The following CDC42BPA variants were observed in gnomAD, a reference collection of about 807,000 sequenced individuals.
CDC42BPA encodes the protein CDC42 binding protein kinase alpha, also known as serine/threonine-protein kinase MRCK alpha.
Under a neutral mutation model 223.5 loss-of-function variants are expected in CDC42BPA, and 80 were observed. The observed-to-expected ratio is 0.36, with a 90% CI of 0.30 to 0.43. The LOEUF (loss-of-function observed/expected upper bound fraction) is 0.43, where lower values mean the gene tolerates loss of function less well. Among genes scored for constraint, CDC42BPA ranks in the 20% least tolerant of loss-of-function variants. The pLI is 1.00. For missense variants in CDC42BPA, 1,743 were observed against 2,099.9 expected, an observed-to-expected ratio of 0.83 and a Z score of 3.32; for synonymous variants, 694 against 718.6, an observed-to-expected ratio of 0.97 and a Z score of 0.55.
intron 5 of CDC42BPA, among the ~76,000 whole-genome samples, chr1:227,168,497 G>GTTTTTTGTTTTTTTT (rs1665477711): frequency 1.2e-5 from 1 of 80,196 alleles, no homozygotes; most frequent in African/African-American, 5.0e-5. Flanking sequence ...CTTCCCTGGT[G>GTTTTTTGTTTTTTTT]TTTTTTTTTT....
intron 5 of CDC42BPA, among the ~76,000 whole-genome samples, chr1:227,167,772 T>C (rs779396011): frequency 2.0e-5 from 3 of 152,212 alleles, no homozygotes; most frequent in Non-Finnish European, 4.4e-5. Flanking sequence ...GAATAAAAAA[T>C]TTATAGTCTA....
chr1:227,298,732 C>A (rs7519121), intron 1 of CDC42BPA, among the ~76,000 whole-genome samples: 64,426 of 152,048 alleles, frequency 0.42, 13,795 homozygotes, highest in South Asian at 0.45. Context: ...AGACAGCAGC[C>A]GCTCAGTGGC....
At chr1:227,059,498 G>T in intron 21 of CDC42BPA, 1 of 1,207,764 alleles carries the variant, frequency 8.3e-7, no homozygotes, top group Non-Finnish European at 1.2e-6. Context: ...AACAGACAAA[G>T]TATATAAACA....
chr1:227,288,284 A>G (rs922261257), intron 1 of CDC42BPA, among the ~76,000 whole-genome samples: 8 of 152,194 alleles, frequency 5.3e-5, no homozygotes, highest in African/African-American at 1.9e-4. Context: ...CAGAGGTGGG[A>G]GGATCACTTG....
intron 5 of CDC42BPA, among the ~76,000 whole-genome samples, chr1:227,180,936 G>C (rs1263617090): frequency 1.3e-5 from 2 of 151,310 alleles, no homozygotes; most frequent in Non-Finnish European, 2.9e-5. Flanking sequence ...CTGAAATTAG[G>C]CCTTACATTA....
intron 10 of CDC42BPA, among the ~76,000 whole-genome samples, chr1:227,134,184 G>A (rs770073615): frequency 4.6e-5 from 7 of 151,862 alleles, no homozygotes; most frequent in African/African-American, 7.3e-5. Context: ...TACTTACCCT[G>A]GTTAGATTCT....
At chr1:227,027,174 A>C (rs1310669724) in intron 30 of CDC42BPA, among the ~76,000 whole-genome samples, 1 of 152,220 alleles carries the variant, frequency 6.6e-6, no homozygotes, top group Non-Finnish European at 1.5e-5. Context: ...GAAAGACAAA[A>C]AACAACAACA....
intron 35 of CDC42BPA, among the ~76,000 whole-genome samples, chr1:226,998,314 C>A (rs1012071173): frequency 7.2e-5 from 11 of 152,066 alleles, no homozygotes; most frequent in Admixed American, 6.5e-4. Context: ...CATATGGAAC[C>A]AAAAAATAGC....
intron 1 of CDC42BPA, among the ~76,000 whole-genome samples, chr1:227,314,339 T>A (rs1278787290): frequency 2.0e-5 from 3 of 152,078 alleles, no homozygotes; most frequent in African/African-American, 7.2e-5. Context: ...TCTATAGTCT[T>A]AAGGCACTTT....
At chr1:227,316,244 C>T (rs1342059058) in intron 1 of CDC42BPA, among the ~76,000 whole-genome samples, 1 of 152,174 alleles carries the variant, frequency 6.6e-6, no homozygotes, top group Non-Finnish European at 1.5e-5. Context: ...TGAGCCAAGC[C>T]TTCAAGCTTG....
rs563577734 is a variant in CDC42BPA at position 227,097,726 on chromosome 1, G to A, written c.2249+3266C>T. Among the ~76,000 whole-genome samples, 20 of 152,234 alleles carry A rather than the reference G, an allele frequency of 1.3e-4. No individual in the cohort carries two copies. In the South Asian group the frequency reaches 4.1e-3, roughly 32 times the overall value. On this transcript the variant is annotated intron_variant, in intron 15 of 36. Coordinates refer to ENST00000366766, the MANE Select transcript of CDC42BPA (RefSeq NM_001394014.1). ...CTGGTGGCATATGACCTTCTTCTAG[G>A]AGCACTCAACCAGTCAGGGAAGAAT... is the stretch of plus-strand genomic sequence containing the variant.
intron 2 of CDC42BPA, among the ~76,000 whole-genome samples, chr1:227,220,311 T>TATATATATATATATATATACAC (rs1210485137): frequency 2.0e-5 from 1 of 49,534 alleles, no homozygotes; most frequent in African/African-American, 7.1e-5. Context: ...TATATATATA[T>TATATATATATATATATATACAC]ACACACACAC....
At chr1:227,232,977 G>A (rs1442375012) in intron 2 of CDC42BPA, among the ~76,000 whole-genome samples, 1 of 152,208 alleles carries the variant, frequency 6.6e-6, no homozygotes, top group African/African-American at 2.4e-5. Context: ...GCCTCCCCGA[G>A]CCTCTCTGCC....
At chr1:227,159,313 C>G (rs1480537354) in intron 6 of CDC42BPA, among the ~76,000 whole-genome samples, 1 of 151,958 alleles carries the variant, frequency 6.6e-6, no homozygotes, top group Non-Finnish European at 1.5e-5. Flanking sequence ...ATGGTGAAAC[C>G]CCATCTCTAC....
intron 15 of CDC42BPA, among the ~76,000 whole-genome samples, chr1:227,098,699 T>C (rs78707784): frequency 0.054 from 8,157 of 151,738 alleles, 245 homozygotes; most frequent in Non-Finnish European, 0.072. Context: ...ACCCTTCTTA[T>C]CCCTTTTGCC....
At chr1:226,995,493 G>A (rs1661428657) in intron 35 of CDC42BPA, among the ~76,000 whole-genome samples, 1 of 129,210 alleles carries the variant, frequency 7.7e-6, no homozygotes, top group Admixed American at 7.5e-5. Context: ...AAGCTCGGTT[G>A]TACCATCCCG....
chr1:227,216,088 T>C (rs1026374983), intron 2 of CDC42BPA, among the ~76,000 whole-genome samples: 2 of 151,918 alleles, frequency 1.3e-5, no homozygotes, highest in African/African-American at 4.8e-5. Flanking sequence ...AATAAGTTTA[T>C]TAAAGTATGT....
intron 2 of CDC42BPA, among the ~76,000 whole-genome samples, chr1:227,248,694 T>C (rs1681432280): frequency 6.6e-6 from 1 of 151,732 alleles, no homozygotes; most frequent in African/African-American, 2.4e-5. Context: ...GTGTATTTTT[T>C]AATTGAAGTA....
At chr1:227,126,519 GGTAA>G (rs1205871638) in intron 11 of CDC42BPA, among the ~76,000 whole-genome samples, 1 of 80,772 alleles carries the variant, frequency 1.2e-5, no homozygotes, top group Non-Finnish European at 2.8e-5. Flanking sequence ...AAGGAAGGAA[GGTAA>G]GAAAGGAAAA....
Sources: allele counts gnomAD v4.1 joint callset (sites outside exome capture counted in the v4.1 genomes callset), GRCh38; gene constraint gnomAD v4.1.1; transcripts MANE v1.5; gene names NCBI Gene and HGNC (gene_info 2026-07-23, HGNC 2026-07-21).